CFAP69: variants seen among roughly 807,000 people sequenced by gnomAD.
CFAP69 encodes the protein cilia and flagella associated protein 69.
In CFAP69, 92 loss-of-function variants were observed where a neutral mutation model predicts 123.0. The observed-to-expected ratio is 0.75, with a 90% confidence interval of 0.63 to 0.89. The LOEUF is 0.89. Among genes scored for constraint, CFAP69 ranks in the 40% least tolerant of loss-of-function variants. The pLI is 0.00. For synonymous variants in CFAP69, 380 were observed against 364.3 expected (o/e 1.04, Z -0.49); for missense variants, 1,067 against 1,096.9 (o/e 0.97, Z 0.39).
At chr7:90,255,360 T>C in intron 1 of CFAP69, 63 bp from the exon 2 acceptor site, 1 of 1,259,000 alleles carries the variant, frequency 7.9e-7, no homozygotes, top group Middle Eastern at 2.4e-4. Context: ...TAAATTAGTG[T>C]GTTAGATATG....
At chr7:90,290,538 C>T (rs1011789401) in intron 15 of CFAP69, among the ~76,000 whole-genome samples, 5 of 152,132 alleles carry the variant, frequency 3.3e-5, no homozygotes, top group African/African-American at 4.8e-5. Flanking sequence ...TTAATTACAT[C>T]CAGAAACACC....
rs1165222104 is a variant in CFAP69 at position 90,264,091 on chromosome 7, G to GAAA, written c.357-1198_357-1196dup. Among the ~76,000 whole-genome samples, 64 of 17,964 alleles carry GAAA rather than the reference G, an allele frequency of 3.6e-3. 5 individuals are homozygous for GAAA. The East Asian group carries it at 0.048, about 14-fold the overall frequency. 11.8% of individuals were successfully genotyped at this position (17,964 alleles called of 152,430 possible). A position where few individuals can be genotyped will look rare whatever the true frequency, so the allele number is the denominator to read the frequency against. On this transcript the variant is annotated intron_variant, in intron 4 of 22. Transcript: ENST00000389297. ...GGGCGACAGAGCAAGACTCCATCTC[G>GAAA]AAAAAAAAAAAAAATATATATATAT...
intron 18 of CFAP69, 156 bp downstream of exon 18, chr7:90,304,262 C>T: frequency 1.5e-6 from 2 of 1,362,230 alleles, no homozygotes; most frequent in Admixed American, 3.3e-5. Context: ...CTGCACCCCT[C>T]ACCAATTAAA....
rs186502346 is a variant in CFAP69 at position 90,263,901 on chromosome 7, T to A, written c.357-1400T>A. ...GTCAGGAGATGGAGACCATCCTGGATAACACGGTGAAACCCCATCTCTATT... is the reference window on the plus strand; with the variant it reads ...GTCAGGAGATGGAGACCATCCTGGAAAACACGGTGAAACCCCATCTCTATT... On this transcript the variant is annotated intron_variant, in intron 4 of 22. Transcript: ENST00000389297. Among the ~76,000 whole-genome samples the A allele has an allele frequency of 8.4e-4, 128 of 151,540 alleles. 4 individuals carry two copies. The East Asian group carries it at 0.024, about 29-fold the overall frequency.
intron 15 of CFAP69, among the ~76,000 whole-genome samples, chr7:90,290,785 C>A (rs893316440): frequency 2.0e-4 from 26 of 129,766 alleles, no homozygotes; most frequent in African/African-American, 8.0e-4. Flanking sequence ...CTTTTCTTTT[C>A]TTTTCTTTTC....
intron 15 of CFAP69, among the ~76,000 whole-genome samples, chr7:90,294,071 T>C (rs1477655453): frequency 6.6e-6 from 1 of 152,204 alleles, no homozygotes; most frequent in Non-Finnish European, 1.5e-5. Flanking sequence ...GAATCTACCA[T>C]ACAAGATTGT....
At chr7:90,246,101 A>G (rs1031790318) in intron 1 of CFAP69, among the ~76,000 whole-genome samples, 6 of 152,340 alleles carry the variant, frequency 3.9e-5, no homozygotes, top group African/African-American at 1.4e-4. Context: ...TGGGTCGGAG[A>G]GAACCGGGAG....
At chr7:90,321,758 C>T in the CFAP69 span, among the ~76,000 whole-genome samples, 2 of 152,130 alleles carry the variant, frequency 1.3e-5, no homozygotes, top group Non-Finnish European at 2.9e-5. Context: ...CACATACACA[C>T]GCGCAAACAT....
At position 90,299,937 on chromosome 7, in the gene CFAP69, C is replaced by A. The variant is rs1321386960; in HGVS notation, c.1928C>A (p.Ala643Glu). ...GAATTTTGTGATAATCCCAAAACTG[C>A]AGCTCATGTCAATGCTTGGCAAGGG... ...MVEFCDNPKTAAHVNAWQGKK... is the reference protein window; with the variant it reads ...MVEFCDNPKTEAHVNAWQGKK... The change falls in exon 17 of 23, where the codon GCA (alanine) becomes GAA (glutamate). Residue 643 changes from alanine (A) to glutamate (E), a missense_variant. By Grantham distance (107) the Ala-to-Glu change is moderately radical. Transcript: ENST00000389297. 6.2e-7 allele frequency: 1 copy of A among 1,611,086 alleles called. No homozygotes were observed. The highest frequency in any genetic ancestry group is 1.7e-5 in the Admixed American group (1 of 59,780).
intron 4 of CFAP69, among the ~76,000 whole-genome samples, chr7:90,263,553 T>A (rs1356593760): frequency 6.6e-6 from 1 of 152,174 alleles, no homozygotes; most frequent in Non-Finnish European, 1.5e-5. Flanking sequence ...GTACTAGTTT[T>A]AGAGTCCTTC....
chr7:90,250,356 G>A (rs1027889987), intron 1 of CFAP69, among the ~76,000 whole-genome samples: 5 of 152,112 alleles, frequency 3.3e-5, no homozygotes, highest in Admixed American at 3.3e-4. Flanking sequence ...TAACAAGTTA[G>A]GTCCCAGGGC....
intron 1 of CFAP69, among the ~76,000 whole-genome samples, chr7:90,249,142 T>C (rs1336202938): frequency 6.6e-6 from 1 of 152,148 alleles, no homozygotes; most frequent in African/African-American, 2.4e-5. Context: ...GGGAGGGACC[T>C]GGTGGGAGGT....
chr7:90,254,550 A>G (rs1360920685), intron 1 of CFAP69, among the ~76,000 whole-genome samples: 3 of 152,074 alleles, frequency 2.0e-5, no homozygotes, highest in African/African-American at 7.2e-5. Flanking sequence ...GAACATGTAG[A>G]CCCTTTCAGA....
chr7:90,286,265 A>C lies in CFAP69; in HGVS notation c.1538-16A>C, dbSNP rs770074708. ...GTGTCCAATAACTATACAGTCTTTA[A>C]ATGTTTTCATACCAGGAATCTTTAA... On this transcript the variant is annotated splice_polypyrimidine_tract_variant and intron_variant, in intron 13 of 22. Coordinates refer to ENST00000389297, the MANE Select transcript of CFAP69 (RefSeq NM_001039706.3). The C allele has an allele frequency of 1.9e-6, 3 of 1,579,960 alleles. No homozygotes were observed. The highest frequency in any genetic ancestry group is 2.6e-6 in the Non-Finnish European group (3 of 1,158,932).
At position 90,288,355 on chromosome 7, in the gene CFAP69, G is replaced by A. The variant is rs766921457; in HGVS notation, c.1775+3G>A. The stretch of plus-strand genomic sequence containing the variant: ...TTTAGTACATTGGACAGCATTTGGT[G>A]AGTATTGCTATAATCAAATTAGGTA... On this transcript the variant is annotated splice_donor_region_variant and intron_variant, in intron 15 of 22. Transcript: ENST00000389297. 7 of 1,609,438 alleles carry A rather than the reference G, an allele frequency of 4.3e-6. No individual in the cohort carries two copies. The highest frequency in any genetic ancestry group is 5.1e-6 in the Non-Finnish European group (6 of 1,177,126).
At chr7:90,295,863 G>A (rs527952988) in intron 15 of CFAP69, among the ~76,000 whole-genome samples, 7 of 152,176 alleles carry the variant, frequency 4.6e-5, no homozygotes, top group Non-Finnish European at 5.9e-5. Context: ...ATAGGGTAAC[G>A]TCCTCATGTT....
chr7:90,251,268 TG>T (rs1245362314), intron 1 of CFAP69, among the ~76,000 whole-genome samples: 1 of 152,038 alleles, frequency 6.6e-6, no homozygotes, highest in East Asian at 1.9e-4. Flanking sequence ...AAGAAAGGTG[TG>T]GGGGAGGCTT....
intron 13 of CFAP69, among the ~76,000 whole-genome samples, chr7:90,283,656 C>A (rs960127939): frequency 1.3e-5 from 2 of 152,054 alleles, no homozygotes; most frequent in Admixed American, 6.6e-5. Context: ...AAATTCAGAA[C>A]CCCTAAACAA....
At chr7:90,322,953 T>C in the CFAP69 span, among the ~76,000 whole-genome samples, 1 of 152,190 alleles carries the variant, frequency 6.6e-6, no homozygotes, top group Non-Finnish European at 1.5e-5. Context: ...TAAATTTAGA[T>C]AGACTTAATA....
Sources: gnomAD v4.1 joint callset for allele counts (sites outside exome capture counted in the v4.1 genomes callset) on GRCh38, gnomAD v4.1.1 for gene constraint, MANE v1.5 for transcripts, NCBI Gene and HGNC (gene_info 2026-07-23, HGNC 2026-07-21) for gene names.